DLG2: variants seen among roughly 807,000 people sequenced by gnomAD.
DLG2 encodes the protein disks large homolog 2.
In DLG2, 45 loss-of-function variants were observed where a neutral mutation model predicts 132.5. The ratio of observed to expected loss-of-function variants is 0.34; its 90% CI spans 0.27 to 0.44. DLG2 has a LOEUF of 0.44. Ranked by LOEUF, DLG2 falls within the 20% of genes least tolerant of loss-of-function variation. DLG2 has a pLI of 1.00. For synonymous variants in DLG2, 424 were observed against 419.6 expected (o/e 1.01, Z -0.13); for missense variants, 1,045 against 1,196.9 (o/e 0.87, Z 1.87).
At chr11:85,463,742 G>C (rs1231360098) in intron 3 of DLG2, among the ~76,000 whole-genome samples, 2 of 152,058 alleles carry the variant, frequency 1.3e-5, no homozygotes, top group African/African-American at 2.4e-5. Context: ...CTGCATTCTA[G>C]TCTGAACAAC....
chr11:84,823,495 C>G (rs2077945446), intron 6 of DLG2, among the ~76,000 whole-genome samples: 1 of 151,330 alleles, frequency 6.6e-6, no homozygotes. Context: ...GGCTTGACCT[C>G]TCACTTCCTG....
intron 6 of DLG2, among the ~76,000 whole-genome samples, chr11:84,706,591 C>T (rs1224650048): frequency 1.3e-5 from 2 of 151,646 alleles, no homozygotes; most frequent in African/African-American, 4.8e-5. Context: ...CACGCTGGTA[C>T]TGATGAAACT....
Position 85,270,566 on chromosome 11 carries a change from G to T in DLG2, c.186+14654C>A, listed in dbSNP as rs192977705. On this transcript the variant is annotated intron_variant, in intron 4 of 27. Coordinates refer to ENST00000376104, the MANE Select transcript of DLG2 (RefSeq NM_001142699.3). ...GGCAGAGGTTGGAACAGTTTGGAGGGCTCAGAAGAAGAGAGGAAAATGTGG... is the reference window on the plus strand; with the variant it reads ...GGCAGAGGTTGGAACAGTTTGGAGGTCTCAGAAGAAGAGAGGAAAATGTGG... Among the ~76,000 whole-genome samples the T allele has an allele frequency of 1.4e-4, 21 of 152,294 alleles. No homozygotes were observed. The East Asian group carries it at 3.7e-3, about 27-fold the overall frequency.
intron 6 of DLG2, among the ~76,000 whole-genome samples, chr11:84,570,277 G>T (rs2099476530): frequency 6.6e-6 from 1 of 152,024 alleles, no homozygotes; most frequent in Non-Finnish European, 1.5e-5. Context: ...TCTTTATCTG[G>T]CTTATTCTTG....
At chr11:83,499,898 TC>T (rs2094381069) in intron 21 of DLG2, among the ~76,000 whole-genome samples, 24 of 96,440 alleles carry the variant, frequency 2.5e-4, no homozygotes, top group East Asian at 3.5e-4. Context: ...TATATATATA[TC>T]AGTTCTGTCC....
chr11:84,403,163 T>C (rs2098836693), intron 7 of DLG2, among the ~76,000 whole-genome samples: 1 of 152,124 alleles, frequency 6.6e-6, no homozygotes, highest in Non-Finnish European at 1.5e-5. Flanking sequence ...ATGGAGATAA[T>C]TGTTAGTAGG....
chr11:83,821,394 T>G (rs556909759), intron 17 of DLG2, among the ~76,000 whole-genome samples: 7 of 152,174 alleles, frequency 4.6e-5, no homozygotes, highest in Non-Finnish European at 1.0e-4. Context: ...AAGATGATAC[T>G]TGGAATTAAG....
At chr11:84,995,000 T>C (rs1214436312) in intron 6 of DLG2, among the ~76,000 whole-genome samples, 1 of 152,066 alleles carries the variant, frequency 6.6e-6, no homozygotes, top group Admixed American at 6.6e-5. Flanking sequence ...ATGCAAGAAA[T>C]CTCCTAGGAG....
chr11:84,866,314 C>T (rs549848821), intron 6 of DLG2, among the ~76,000 whole-genome samples: 1 of 152,260 alleles, frequency 6.6e-6, no homozygotes, highest in South Asian at 2.1e-4. Flanking sequence ...ACCACAAAAA[C>T]CACAACCCAC....
chr11:83,780,025 A>C (rs2094747325), intron 18 of DLG2, among the ~76,000 whole-genome samples: 1 of 152,180 alleles, frequency 6.6e-6, no homozygotes, highest in African/African-American at 2.4e-5. Context: ...GCAATTTCTG[A>C]TCAAGATCCA....
chr11:85,009,020 A>G (rs2058930523), intron 6 of DLG2, among the ~76,000 whole-genome samples: 1 of 152,052 alleles, frequency 6.6e-6, no homozygotes, highest in African/African-American at 2.4e-5. Context: ...AAAGATGACA[A>G]ATACAAAAGT....
At chr11:84,489,101 C>CT (rs1399762872) in intron 7 of DLG2, among the ~76,000 whole-genome samples, 1 of 151,954 alleles carries the variant, frequency 6.6e-6, no homozygotes, top group African/African-American at 2.4e-5. Flanking sequence ...TTCTGTCTCT[C>CT]TTTTTTTTCT....
At chr11:84,605,969 T>G (rs1488809372) in intron 6 of DLG2, among the ~76,000 whole-genome samples, 4 of 152,074 alleles carry the variant, frequency 2.6e-5, no homozygotes, top group Non-Finnish European at 1.5e-5. Context: ...AACTGACCTC[T>G]TTTTTGAATG....
chr11:85,442,231 AAAG>A (rs1405422537), intron 3 of DLG2, among the ~76,000 whole-genome samples: 1 of 152,222 alleles, frequency 6.6e-6, no homozygotes, highest in Non-Finnish European at 1.5e-5. Flanking sequence ...TTACATTTTT[AAAG>A]AAGACTTCTG....
chr11:85,018,743 T>C (rs1379472213), intron 6 of DLG2, among the ~76,000 whole-genome samples: 1 of 151,904 alleles, frequency 6.6e-6, no homozygotes, highest in Non-Finnish European at 1.5e-5. Flanking sequence ...ATAAGGTAGA[T>C]GTAATAAACG....
At chr11:84,219,472 A>G (rs2096885079) in intron 8 of DLG2, among the ~76,000 whole-genome samples, 1 of 152,246 alleles carries the variant, frequency 6.6e-6, no homozygotes, top group Non-Finnish European at 1.5e-5. Context: ...CAACTGTAAA[A>G]TAAAAATTTT....
intron 16 of DLG2, among the ~76,000 whole-genome samples, chr11:83,847,098 T>C (rs796961338): frequency 2.2e-4 from 33 of 152,224 alleles, no homozygotes; most frequent in East Asian, 2.1e-3. Context: ...AAGTTAATTA[T>C]AAAAGGAATG....
intron 5 of DLG2, among the ~76,000 whole-genome samples, chr11:85,137,654 G>A (rs1032827927): frequency 6.6e-6 from 1 of 152,118 alleles, no homozygotes; most frequent in African/African-American, 2.4e-5. Context: ...GCTTATAAGG[G>A]CCTTGGGAAT....
At chr11:84,628,789 C>T (rs1194490743) in intron 6 of DLG2, among the ~76,000 whole-genome samples, 1 of 152,102 alleles carries the variant, frequency 6.6e-6, no homozygotes. Flanking sequence ...CAGAAACCAA[C>T]CTGAGGGCAA....
Sources: allele counts gnomAD v4.1 joint callset (sites outside exome capture counted in the v4.1 genomes callset), GRCh38; gene constraint gnomAD v4.1.1; transcripts MANE v1.5; gene names NCBI Gene and HGNC (gene_info 2026-07-23, HGNC 2026-07-21).